ADAMTSL1: variants seen among roughly 807,000 people sequenced by gnomAD.
ADAMTSL1 encodes the protein ADAMTS like 1.
ADAMTSL1 carries 126 observed loss-of-function variants against 201.8 expected under a neutral mutation model. That is an observed-to-expected ratio of 0.62 (90% CI 0.54 to 0.72). The LOEUF is 0.72. Ranked by LOEUF, ADAMTSL1 falls within the 30% of genes least tolerant of loss-of-function variation. The probability of loss-of-function intolerance (pLI) is 0.00; values close to 1 mark genes in which losing one functional copy is unlikely to be tolerated. For synonymous variants in ADAMTSL1, 1,121 were observed against 903.4 expected, an observed-to-expected ratio of 1.24 and a Z score of -4.32; for missense variants, 2,679 against 2,277.8, an observed-to-expected ratio of 1.18 and a Z score of -3.59.
intron 16 of ADAMTSL1, among the ~76,000 whole-genome samples, chr9:18,762,834 A>G (rs1820151486): frequency 6.6e-6 from 1 of 152,168 alleles, no homozygotes; most frequent in Non-Finnish European, 1.5e-5. Context: ...ACTGGATCTC[A>G]TTCTTTTTAT....
chr9:18,250,174 C>A (rs999469803), intron 2 of ADAMTSL1, among the ~76,000 whole-genome samples: 1 of 152,230 alleles, frequency 6.6e-6, no homozygotes, highest in South Asian at 2.1e-4. Context: ...CTCAGACACA[C>A]AAGCCTGCCC....
chr9:18,882,098 G>T (rs985680190), intron 23 of ADAMTSL1, among the ~76,000 whole-genome samples: 4 of 152,184 alleles, frequency 2.6e-5, no homozygotes, highest in African/African-American at 7.2e-5. Context: ...TCCCAGATAA[G>T]TTCTTCAGCC....
intron 2 of ADAMTSL1, among the ~76,000 whole-genome samples, chr9:18,326,794 C>T (rs1389464335): frequency 1.3e-5 from 2 of 152,156 alleles, no homozygotes; most frequent in African/African-American, 4.8e-5. Flanking sequence ...TTGAGTATTT[C>T]TCAGAATGCA....
At chr9:18,659,658 TTGGGAGGCTGAGGCA>T (rs1227281087) in intron 8 of ADAMTSL1, among the ~76,000 whole-genome samples, 1 of 152,088 alleles carries the variant, frequency 6.6e-6, no homozygotes, top group Non-Finnish European at 1.5e-5. Context: ...TCCCAGCTAC[TTGGGAGGCTGAGGCA>T]TGAGAATTGC....
At chr9:17,912,506 G>A (rs369452462) in intron 1 of ADAMTSL1, among the ~76,000 whole-genome samples, 3 of 58,050 alleles carry the variant, frequency 5.2e-5, no homozygotes, top group African/African-American at 1.0e-4. Flanking sequence ...GTCTGTTCAT[G>A]TCCTTCGCCC....
At chr9:17,983,224 C>T (rs1818792936) in intron 1 of ADAMTSL1, among the ~76,000 whole-genome samples, 1 of 151,986 alleles carries the variant, frequency 6.6e-6, no homozygotes, top group South Asian at 2.1e-4. Flanking sequence ...GTGGGCACCA[C>T]CATGCCCAGC....
intron 2 of ADAMTSL1, among the ~76,000 whole-genome samples, chr9:18,532,309 G>A (rs1587479758): frequency 6.6e-6 from 1 of 152,206 alleles, no homozygotes; most frequent in African/African-American, 2.4e-5. Flanking sequence ...TATTTATGAA[G>A]AGCCTTACAA....
chr9:18,820,205 T>C (rs1824125937), intron 21 of ADAMTSL1, among the ~76,000 whole-genome samples: 1 of 152,230 alleles, frequency 6.6e-6, no homozygotes, highest in Non-Finnish European at 1.5e-5. Flanking sequence ...ATTTAGCAGT[T>C]TTTTATGGAG....
chr9:18,451,791 C>T (rs1820416395), intron 2 of ADAMTSL1, among the ~76,000 whole-genome samples: 2 of 152,340 alleles, frequency 1.3e-5, no homozygotes, highest in African/African-American at 4.8e-5. Context: ...TTATTTCTTA[C>T]AGTTCTAGAG....
intron 2 of ADAMTSL1, among the ~76,000 whole-genome samples, chr9:18,428,247 C>T (rs1438015348): frequency 6.6e-6 from 1 of 152,028 alleles, no homozygotes; most frequent in Non-Finnish European, 1.5e-5. Flanking sequence ...GCAAGGATCT[C>T]TCTTGTTTAC....
chr9:18,343,205 G>A (rs1263469824), intron 2 of ADAMTSL1, among the ~76,000 whole-genome samples: 1 of 151,934 alleles, frequency 6.6e-6, no homozygotes, highest in Non-Finnish European at 1.5e-5. Flanking sequence ...CAACTGAGTG[G>A]TTAGTTTTGT....
At chr9:18,532,113 T>G (rs1819480348) in intron 2 of ADAMTSL1, among the ~76,000 whole-genome samples, 1 of 152,234 alleles carries the variant, frequency 6.6e-6, no homozygotes, top group African/African-American at 2.4e-5. Context: ...ATCTTTACTT[T>G]TTAAAAAATG....
chr9:18,750,651 G>A (rs567490548), intron 15 of ADAMTSL1, among the ~76,000 whole-genome samples: 1 of 152,260 alleles, frequency 6.6e-6, no homozygotes, highest in African/African-American at 2.4e-5. Flanking sequence ...GTTGTCTATT[G>A]CTGCATAACA....
At chr9:18,878,489 C>T (rs1414234827) in intron 23 of ADAMTSL1, among the ~76,000 whole-genome samples, 2 of 152,236 alleles carry the variant, frequency 1.3e-5, no homozygotes, top group Non-Finnish European at 2.9e-5. Context: ...TCTACCCCTA[C>T]ATTTTTCTCA....
At chr9:17,978,479 T>C (rs2131454942) in intron 1 of ADAMTSL1, among the ~76,000 whole-genome samples, 1 of 152,194 alleles carries the variant, frequency 6.6e-6, no homozygotes, top group African/African-American at 2.4e-5. Flanking sequence ...TTGCTTTGTA[T>C]TTCCATGAGG....
intron 1 of ADAMTSL1, among the ~76,000 whole-genome samples, chr9:17,962,873 GCCTTGTTGCCAAGT>G (rs1466626168): frequency 1.3e-5 from 2 of 152,192 alleles, no homozygotes; most frequent in Non-Finnish European, 2.9e-5. Context: ...AAAGTACATG[GCCTTGTTGCCAAGT>G]TTCCTGGTGA....
intron 7 of ADAMTSL1, among the ~76,000 whole-genome samples, chr9:18,656,752 T>A (rs2132973744): frequency 6.6e-6 from 1 of 152,260 alleles, no homozygotes. Flanking sequence ...AGTAATCCTC[T>A]CAATTGTCCT....
intron 2 of ADAMTSL1, among the ~76,000 whole-genome samples, chr9:18,265,708 GC>G (rs1365380495): frequency 2.0e-5 from 3 of 152,016 alleles, no homozygotes; most frequent in Non-Finnish European, 4.4e-5. Context: ...AGAAATTTTT[GC>G]CAAAAATGTC....
Position 18,684,773 on chromosome 9 carries a change from A to T in ADAMTSL1, c.1547A>T (p.Glu516Val), listed in dbSNP as rs764332433. 2.5e-6 allele frequency: 4 copies of T among 1,612,812 alleles called. No individual in the cohort carries two copies. The highest frequency in any genetic ancestry group is 2.5e-6 in the Non-Finnish European group (3 of 1,179,610). The stretch of plus-strand genomic sequence containing the variant: ...TTCAAACAAGCTCAAGAGCTAGAAG[A>T]AGGAGCTGCTGTGTCAGAGGAGCCC... The part of the protein sequence containing the change: ...PWFKQAQELE[E>V]GAAVSEEPSF... Residue 516 changes from glutamate (E) to valine (V), a missense_variant, in exon 13 of 29, where the codon GAA becomes GTA. Transcript: ENST00000380548.
Sources: allele counts gnomAD v4.1 joint callset (sites outside exome capture counted in the v4.1 genomes callset), GRCh38; gene constraint gnomAD v4.1.1; transcripts MANE v1.5; gene names NCBI Gene and HGNC (gene_info 2026-07-23, HGNC 2026-07-21).